Variants in REEP1 observed in about 807,000 individuals in gnomAD.
REEP1 encodes receptor expression-enhancing protein 1.
A neutral mutation model predicts 40.3 loss-of-function variants in REEP1; 22 were observed. The ratio of observed to expected loss-of-function variants is 0.55; its 90% CI spans 0.39 to 0.78. The LOEUF (loss-of-function observed/expected upper bound fraction) is 0.78, where lower values mean the gene tolerates loss of function less well. Ranked by LOEUF, REEP1 falls within the 30% of genes least tolerant of loss-of-function variation. The probability of loss-of-function intolerance (pLI) is 0.00; values close to 1 mark genes in which losing one functional copy is unlikely to be tolerated. For synonymous variants in REEP1, 116 were observed against 139.2 expected, an observed-to-expected ratio of 0.83 and a Z score of 1.17; for missense variants, 280 against 361.1, an observed-to-expected ratio of 0.78 and a Z score of 1.82.
intron 1 of REEP1, among the ~76,000 whole-genome samples, chr2:86,301,767 G>A (rs1020954019): frequency 3.0e-4 from 46 of 152,066 alleles, no homozygotes; most frequent in African/African-American, 1.0e-3. Context: ...CATAAATGTC[G>A]AAGTCAGCAA....
intron 1 of REEP1, among the ~76,000 whole-genome samples, chr2:86,297,107 C>A (rs1679022350): frequency 6.6e-6 from 1 of 152,220 alleles, no homozygotes; most frequent in Non-Finnish European, 1.5e-5. Context: ...GTGCTACCAA[C>A]CACCCACATG....
chr2:86,219,792 C>G lies in REEP1; in HGVS notation c.783+178G>C, dbSNP rs545132731. Reference sequence around the variant, plus strand: ...AATTAATAGGATTTCCTCTCCTTGGCAAGTAGCTGGATGCTATCCAGTGAC... The same window carrying G: ...AATTAATAGGATTTCCTCTCCTTGGGAAGTAGCTGGATGCTATCCAGTGAC... On this transcript the variant is annotated intron_variant, in intron 8 of 8. Transcript: ENST00000538924. 1.3e-5 allele frequency among the ~76,000 whole-genome samples: 2 copies of G among 152,162 alleles called. 1 individual carries two copies. The highest frequency in any genetic ancestry group is 4.1e-4 in the South Asian group (2 of 4,830).
At chr2:86,314,154 C>G (rs1190207236) in intron 1 of REEP1, among the ~76,000 whole-genome samples, 1 of 152,200 alleles carries the variant, frequency 6.6e-6, no homozygotes, top group Non-Finnish European at 1.5e-5. Context: ...AGCAGTGCTC[C>G]CACCTGAGTG....
intron 5 of REEP1, among the ~76,000 whole-genome samples, chr2:86,250,593 T>C (rs983373170): frequency 6.6e-6 from 1 of 152,090 alleles, no homozygotes; most frequent in African/African-American, 2.4e-5. Flanking sequence ...CAGCAGCTAT[T>C]ATAGTAAAGG....
At chr2:86,241,317 T>C (rs1318215884) in intron 5 of REEP1, among the ~76,000 whole-genome samples, 1 of 152,214 alleles carries the variant, frequency 6.6e-6, no homozygotes, top group Non-Finnish European at 1.5e-5. Flanking sequence ...GAGCTCTAAT[T>C]ATACTGGTGT....
At chr2:86,255,257 A>AG (rs1312358865) in intron 3 of REEP1, among the ~76,000 whole-genome samples, 1 of 128,164 alleles carries the variant, frequency 7.8e-6, no homozygotes, top group Non-Finnish European at 1.8e-5. Flanking sequence ...GAATTACAGC[A>AG]GGGAAGAGTT....
intron 2 of REEP1, among the ~76,000 whole-genome samples, chr2:86,272,994 C>T (rs1202064554): frequency 6.6e-6 from 1 of 152,006 alleles, no homozygotes; most frequent in Non-Finnish European, 1.5e-5. Flanking sequence ...CATGGTGATG[C>T]ACACCTGTAG....
At chr2:86,249,765 G>A (rs1480751927) in intron 5 of REEP1, among the ~76,000 whole-genome samples, 1 of 150,214 alleles carries the variant, frequency 6.7e-6, no homozygotes, top group Non-Finnish European at 1.5e-5. Context: ...CAGCTAGATT[G>A]GATTTTTGGA....
At chr2:86,338,009 T>A, upstream of REEP1, 1 of 1,536,242 alleles carries the variant, frequency 6.5e-7, no homozygotes, top group Non-Finnish European at 8.7e-7. Context: ...TGCGTTAGCC[T>A]CATAAAGGGT....
intron 1 of REEP1, among the ~76,000 whole-genome samples, chr2:86,283,107 C>T (rs80014452): frequency 0.039 from 5,920 of 152,278 alleles, 354 homozygotes; most frequent in African/African-American, 0.13. Context: ...CTCCCCACTA[C>T]ACTCATAGCA....
intron 1 of REEP1, among the ~76,000 whole-genome samples, chr2:86,293,960 C>T (rs1017847337): frequency 4.6e-5 from 7 of 152,078 alleles, no homozygotes; most frequent in Non-Finnish European, 7.4e-5. Flanking sequence ...AGGAAGAAAA[C>T]GCTGACACTT....
Position 86,337,390 on chromosome 2 carries a change from TG to T in REEP1, c.32+88del. On this transcript the variant is annotated intron_variant, in intron 1 of 8. Coordinates refer to ENST00000538924, the MANE Select transcript of REEP1 (RefSeq NM_001371279.1). This position sits in a 1 kb window ranked among gnomAD's most constrained non-coding sequence, Gnocchi z 5.8. ...GCCGGGTATTAATAGCCCGAGCCAC[TG>T]GGACCGGGCGCTGTAGGGGCGCGCG... The T allele has an allele frequency of 1.1e-6, 1 of 884,706 alleles. No individual in the cohort carries two copies. Among genetic ancestry groups the T allele is most frequent in the Non-Finnish European group, 1.5e-6 (1 of 684,726 alleles). The allele number at this position is 884,706 out of a possible 1,614,324, so 54.8% of individuals were successfully genotyped here. A position where few individuals can be genotyped will look rare whatever the true frequency, so the allele number is the denominator to read the frequency against.
rs191887988 is a variant in REEP1, at chr2:86,317,627, G to A, written c.32+19852C>T. 4.0e-3 allele frequency among the ~76,000 whole-genome samples: 616 copies of A among 152,296 alleles called. 5 individuals are homozygous for A. Among genetic ancestry groups the A allele is most frequent in the South Asian group, 8.3e-3 (40 of 4,826 alleles). On this transcript the variant is annotated intron_variant, in intron 1 of 8. Transcript: ENST00000538924. ...ATGGCAGTAGCACCAAACTCCACCT[G>A]TCACCACTGTGTTCTTCACCACAAT... is the stretch of plus-strand genomic sequence containing the variant.
At position 86,254,790 on chromosome 2, in the gene REEP1, T is replaced by C. The variant is rs1676462539; in HGVS notation, c.207A>G (p.Lys69=). ...LCWFPFYYEL[K]IAFVAWLLSP... ...ACAGCAGCCAGGCTACAAATGCTAT[T>C]TTTAGTTCATAATAGAATGGAAACC... Residue 69 remains lysine, a synonymous_variant, in exon 4 of 9, where the codon AAA becomes AAG. Coordinates refer to ENST00000538924, the MANE Select transcript of REEP1 (RefSeq NM_001371279.1). The C allele has an allele frequency of 1.2e-6, 2 of 1,613,912 alleles. No homozygotes were observed. Among genetic ancestry groups the C allele is most frequent in the African/African-American group, 1.3e-5 (1 of 74,880 alleles).
At chr2:86,270,441 C>G (rs1288924103) in intron 2 of REEP1, among the ~76,000 whole-genome samples, 1 of 152,144 alleles carries the variant, frequency 6.6e-6, no homozygotes, top group Non-Finnish European at 1.5e-5. Context: ...GGTGATCCAC[C>G]CACTTGGCCT....
intron 1 of REEP1, among the ~76,000 whole-genome samples, chr2:86,333,415 T>C (rs559674503): frequency 1.6e-4 from 25 of 152,316 alleles, no homozygotes; most frequent in African/African-American, 5.3e-4. Flanking sequence ...CTGTATTTTC[T>C]AAAAACTAGT....
chr2:86,252,502 T>G (rs1676343083), intron 4 of REEP1, among the ~76,000 whole-genome samples: 1 of 151,946 alleles, frequency 6.6e-6, no homozygotes, highest in South Asian at 2.1e-4. Flanking sequence ...CTACACACAG[T>G]TTTAGTCTTC....
intron 2 of REEP1, among the ~76,000 whole-genome samples, chr2:86,271,460 A>G (rs145157411): frequency 6.6e-6 from 1 of 152,330 alleles, no homozygotes; most frequent in East Asian, 1.9e-4. Context: ...ATTGGAAAAA[A>G]TGACTATCAG....
chr2:86,274,880 G>C (rs1027940623), intron 2 of REEP1, among the ~76,000 whole-genome samples: 1 of 152,170 alleles, frequency 6.6e-6, no homozygotes, highest in Admixed American at 6.5e-5. Flanking sequence ...GCTCAGGGTA[G>C]GAAGCGGCCT....
Sources: gnomAD v4.1 joint callset for allele counts (sites outside exome capture counted in the v4.1 genomes callset) on GRCh38, gnomAD v4.1.1 for gene constraint, Gnocchi (gnomAD v3.1) non-coding constraint, MANE v1.5 for transcripts, NCBI Gene and HGNC (gene_info 2026-07-23, HGNC 2026-07-21) for gene names.